The following CELF2 variants were observed in gnomAD, a reference collection of about 807,000 sequenced individuals.
The protein encoded by CELF2 is CUGBP Elav-like family member 2, also known as CUG triplet repeat RNA-binding protein 2.
A neutral mutation model predicts 62.6 loss-of-function variants in CELF2; 8 were observed. That is an observed-to-expected ratio of 0.13 (90% CI 0.07 to 0.23). The LOEUF (loss-of-function observed/expected upper bound fraction) is 0.23, where lower values mean the gene tolerates loss of function less well. Ranked by LOEUF, CELF2 falls within the 10% of genes least tolerant of loss-of-function variation. The pLI, the probability that CELF2 is intolerant of heterozygous loss-of-function variation, is 1.00. For missense variants in CELF2, 333 were observed against 671.0 expected (o/e 0.50, Z 5.56); for synonymous variants, 258 against 250.0 (o/e 1.03, Z -0.30).
chr10:10,752,703 A>AAG, the CELF2 span, among the ~76,000 whole-genome samples: 30 of 145,368 alleles, frequency 2.1e-4, 1 homozygote, highest in South Asian at 5.3e-3. Flanking sequence ...AAAAAAAAAA[A>AAG]AAAAGAAAGA....
chr10:10,922,479 C>T (rs552850500), intron 2 of CELF2, among the ~76,000 whole-genome samples: 3 of 152,308 alleles, frequency 2.0e-5, no homozygotes, highest in Admixed American at 2.0e-4. Context: ...CCACTCCGTG[C>T]TGTAATCACA....
rs1480060510 is a variant in CELF2 at position 11,211,647 on chromosome 10, G to C, written c.272-5778G>C. Among the ~76,000 whole-genome samples, 1 of 152,100 alleles carries C rather than the reference G, an allele frequency of 6.6e-6. No homozygotes were observed. The highest frequency in any genetic ancestry group is 1.5e-5 in the Non-Finnish European group (1 of 68,012). On this transcript the variant is annotated intron_variant, in intron 2 of 12. Coordinates refer to ENST00000633077, the MANE Select transcript of CELF2 (RefSeq NM_001326342.2). The surrounding 1 kb of genome is among the most constrained non-coding windows in gnomAD (Gnocchi z 4.8). The stretch of plus-strand genomic sequence containing the variant: ...AAGGGAAACAGCTGTGGTTTGAAAA[G>C]GTTTGTGATAATCCAGATGGTTTCT...
At chr10:11,172,565 G>A (rs1451434605) in intron 2 of CELF2, among the ~76,000 whole-genome samples, 1 of 152,178 alleles carries the variant, frequency 6.6e-6, no homozygotes, top group Non-Finnish European at 1.5e-5. Flanking sequence ...TGGTGATGCC[G>A]AGACTGTGCC....
At chr10:10,599,003 C>T in the CELF2 span, among the ~76,000 whole-genome samples, 19 of 152,066 alleles carry the variant, frequency 1.2e-4, no homozygotes, top group African/African-American at 4.6e-4. Flanking sequence ...CCACCCTCCT[C>T]GGCCTCCCAA....
chr10:10,696,504 G>A, the CELF2 span, among the ~76,000 whole-genome samples: 3 of 151,852 alleles, frequency 2.0e-5, no homozygotes, highest in Non-Finnish European at 1.5e-5. Context: ...AGGCAGGCAG[G>A]CCTCCTTGAG....
chr10:11,293,835 T>C (rs931381064), intron 9 of CELF2, among the ~76,000 whole-genome samples: 2 of 152,160 alleles, frequency 1.3e-5, no homozygotes, highest in East Asian at 3.9e-4. Flanking sequence ...AAGCAAAAAT[T>C]GTCAAAGACA....
the CELF2 span, among the ~76,000 whole-genome samples, chr10:10,490,511 C>A: frequency 2.6e-5 from 4 of 151,880 alleles, no homozygotes; most frequent in Admixed American, 2.0e-4. Flanking sequence ...TTTAAAGAGG[C>A]AAAAGTGCCC....
intron 1 of CELF2, among the ~76,000 whole-genome samples, chr10:10,879,003 C>T (rs1243840499): frequency 6.6e-6 from 1 of 152,092 alleles, no homozygotes. Flanking sequence ...TGTTCCTGTT[C>T]GTTTTTTGTC....
In CELF2 at chr10:11,305,572, G is replaced by A. The variant is rs916911842; in HGVS notation, c.977-8567G>A. Among the ~76,000 whole-genome samples, 2 of 152,238 alleles carry A rather than the reference G, an allele frequency of 1.3e-5. No individual in the cohort carries two copies. The highest frequency in any genetic ancestry group is 4.8e-5 in the African/African-American group (2 of 41,458). ...TGGGATTAGGAAGAGAAGGAAGGTT[G>A]GGGGGTTCAGCTCTCAGCTCTGTTG... On this transcript the variant is annotated intron_variant, in intron 9 of 12. Coordinates refer to ENST00000633077, the MANE Select transcript of CELF2 (RefSeq NM_001326342.2). The surrounding 1 kb of genome is among the most constrained non-coding windows in gnomAD (Gnocchi z 4.8).
At chr10:10,996,764 C>CT (rs2053995839) in intron 2 of CELF2, among the ~76,000 whole-genome samples, 1 of 152,104 alleles carries the variant, frequency 6.6e-6, no homozygotes, top group South Asian at 2.1e-4. Flanking sequence ...CTCCAGATCC[C>CT]ATTTTTTTTT....
rs1286002428 is a variant in CELF2 at position 11,285,637 on chromosome 10, T to A, written c.842-2781T>A. Among the ~76,000 whole-genome samples, 1 of 152,134 alleles carries A rather than the reference T, an allele frequency of 6.6e-6. No homozygotes were observed. The highest frequency in any genetic ancestry group is 2.4e-5 in the African/African-American group (1 of 41,428). ...TCTGTACAGTGGATTAGTTAATGAT[T>A]GAGAGGAAACAGCCAATATTTGATG... On this transcript the variant is annotated intron_variant, in intron 8 of 12. Coordinates refer to ENST00000633077, the MANE Select transcript of CELF2 (RefSeq NM_001326342.2). The surrounding 1 kb of genome is among the most constrained non-coding windows in gnomAD (Gnocchi z 4.3).
At position 11,243,476 on chromosome 10, in the gene CELF2, C is replaced by T. The variant is rs28631130; in HGVS notation, c.355-5677C>T. 2.0e-5 allele frequency among the ~76,000 whole-genome samples: 3 copies of T among 152,118 alleles called. No homozygotes were observed. The highest frequency in any genetic ancestry group is 4.4e-5 in the Non-Finnish European group (3 of 68,036). On this transcript the variant is annotated intron_variant, in intron 3 of 12. Transcript: ENST00000633077. The surrounding 1 kb of genome is among the most constrained non-coding windows in gnomAD (Gnocchi z 4.1). ...GAACTTGAAGAAATGTGTGACATCC[C>T]GTTTACTCCCATCAACAGGATCTAT...
At chr10:11,111,861 G>A (rs562354086) in intron 1 of CELF2, among the ~76,000 whole-genome samples, 1 of 152,346 alleles carries the variant, frequency 6.6e-6, no homozygotes, top group East Asian at 1.9e-4. Context: ...ATAAGCAATG[G>A]AAGTTTTATC....
chr10:10,865,732 G>T (rs573089635), intron 1 of CELF2, among the ~76,000 whole-genome samples: 1 of 151,952 alleles, frequency 6.6e-6, no homozygotes, highest in Non-Finnish European at 1.5e-5. Flanking sequence ...CCTTTCTGTT[G>T]TGCTATTCAT....
chr10:10,658,835 T>C, the CELF2 span, among the ~76,000 whole-genome samples: 5 of 152,138 alleles, frequency 3.3e-5, no homozygotes, highest in African/African-American at 1.2e-4. Flanking sequence ...GAATTTATGT[T>C]TTTAGACCGT....
chr10:10,577,438 T>A, the CELF2 span, among the ~76,000 whole-genome samples: 3 of 151,550 alleles, frequency 2.0e-5, no homozygotes, highest in African/African-American at 7.3e-5. Flanking sequence ...GCAGGTTTGT[T>A]ACATATGTAT....
intron 1 of CELF2, among the ~76,000 whole-genome samples, chr10:10,879,801 G>GT (rs1361279581): frequency 6.6e-6 from 1 of 152,130 alleles, no homozygotes; most frequent in East Asian, 1.9e-4. Flanking sequence ...AATAACTCCA[G>GT]TATTTTCAAA....
At chr10:10,829,313 G>A (rs2057659928) in intron 1 of CELF2, among the ~76,000 whole-genome samples, 1 of 152,192 alleles carries the variant, frequency 6.6e-6, no homozygotes, top group Non-Finnish European at 1.5e-5. Context: ...AAACAGAATA[G>A]CTTAAAAATA....
At chr10:10,534,479 A>C in the CELF2 span, among the ~76,000 whole-genome samples, 2 of 152,212 alleles carry the variant, frequency 1.3e-5, no homozygotes, top group Non-Finnish European at 2.9e-5. Context: ...GAACACACAG[A>C]GTTGGGTTAA....
Sources: allele counts gnomAD v4.1 joint callset (sites outside exome capture counted in the v4.1 genomes callset), GRCh38; gene constraint gnomAD v4.1.1; non-coding constraint Gnocchi (gnomAD v3.1); transcripts MANE v1.5; gene names NCBI Gene and HGNC (gene_info 2026-07-23, HGNC 2026-07-21).